Variants in CNTN5 observed in about 807,000 individuals in gnomAD.
CNTN5 encodes contactin 5.
CNTN5 carries 77 observed loss-of-function variants against 129.1 expected under a neutral mutation model. The observed-to-expected ratio is 0.60, with a 90% CI of 0.50 to 0.72. The LOEUF is 0.72. CNTN5 is among the 30% of genes least tolerant of loss of function. The pLI is 0.00. For missense variants in CNTN5, 1,478 were observed against 1,328.8 expected, an observed-to-expected ratio of 1.11 and a Z score of -1.75; for synonymous variants, 509 against 465.6, an observed-to-expected ratio of 1.09 and a Z score of -1.20.
intron 21 of CNTN5, among the ~76,000 whole-genome samples, chr11:100,320,907 T>C (rs569904845): frequency 2.0e-5 from 3 of 152,324 alleles, no homozygotes; most frequent in African/African-American, 2.4e-5. Flanking sequence ...TTCTGTTTCA[T>C]TGATCTATGT....
intron 3 of CNTN5, among the ~76,000 whole-genome samples, chr11:99,618,001 A>C (rs2135751583): frequency 6.6e-6 from 1 of 152,322 alleles, no homozygotes; most frequent in South Asian, 2.1e-4. Context: ...AAGTACTCAT[A>C]GAACTTTAAT....
chr11:99,156,049 A>T lies in CNTN5; in HGVS notation c.-210+134779A>T, dbSNP rs116009331. ...CAATAAAAAGTTCTCAATAACCAAAAAACAACCCCAAAACAATGCCTAGAT... is the reference window on the plus strand; with the variant it reads ...CAATAAAAAGTTCTCAATAACCAAATAACAACCCCAAAACAATGCCTAGAT... On this transcript the variant is annotated intron_variant, in intron 1 of 24. Coordinates refer to ENST00000524871, the MANE Select transcript of CNTN5 (RefSeq NM_014361.4). Among the ~76,000 whole-genome samples the T allele has an allele frequency of 7.8e-3, 1,192 of 152,184 alleles. 19 individuals are homozygous for T. The highest frequency in any genetic ancestry group is 0.026 in the African/African-American group (1,100 of 41,544).
intron 16 of CNTN5, among the ~76,000 whole-genome samples, chr11:100,249,506 T>G (rs1470570191): frequency 6.6e-6 from 1 of 152,156 alleles, no homozygotes; most frequent in African/African-American, 2.4e-5. Context: ...TCCTTTATAA[T>G]AGCATTGTCC....
At chr11:99,472,504 A>G (rs1401314019) in intron 2 of CNTN5, among the ~76,000 whole-genome samples, 1 of 152,078 alleles carries the variant, frequency 6.6e-6, no homozygotes, top group Non-Finnish European at 1.5e-5. Flanking sequence ...ATTCTTTTGT[A>G]ATTAGTTTTT....
intron 20 of CNTN5, among the ~76,000 whole-genome samples, chr11:100,299,953 C>T (rs1192875851): frequency 2.0e-5 from 3 of 151,334 alleles, no homozygotes; most frequent in South Asian, 2.1e-4. Flanking sequence ...AATTGACTTT[C>T]GGAAAAGTTA....
At chr11:99,156,135 C>G (rs1405508735) in intron 1 of CNTN5, among the ~76,000 whole-genome samples, 1 of 151,772 alleles carries the variant, frequency 6.6e-6, no homozygotes, top group East Asian at 1.9e-4. Flanking sequence ...TTTATTATAT[C>G]AGATAAGTGA....
At chr11:100,036,411 A>G (rs1049321900) in intron 9 of CNTN5, among the ~76,000 whole-genome samples, 21 of 151,888 alleles carry the variant, frequency 1.4e-4, no homozygotes, top group Admixed American at 2.6e-4. Context: ...TGATGCCTCC[A>G]GCTTTGTTCT....
At chr11:99,463,665 A>C (rs1237740100) in intron 2 of CNTN5, among the ~76,000 whole-genome samples, 1 of 152,080 alleles carries the variant, frequency 6.6e-6, no homozygotes, top group Non-Finnish European at 1.5e-5. Context: ...GGAAAAATAG[A>C]ACCATTTAAT....
chr11:99,254,711 A>G (rs1365187955), intron 1 of CNTN5, among the ~76,000 whole-genome samples: 1 of 151,940 alleles, frequency 6.6e-6, no homozygotes, highest in Non-Finnish European at 1.5e-5. Context: ...TATACATGGA[A>G]GTGTTTAAAT....
At chr11:99,942,429 G>A (rs1950460195) in intron 7 of CNTN5, among the ~76,000 whole-genome samples, 1 of 152,026 alleles carries the variant, frequency 6.6e-6, no homozygotes. Context: ...GAAAACTGGT[G>A]TAAATTGGCA....
chr11:99,148,676 A>C (rs569195737), intron 1 of CNTN5, among the ~76,000 whole-genome samples: 3 of 152,220 alleles, frequency 2.0e-5, no homozygotes, highest in African/African-American at 7.2e-5. Flanking sequence ...TTCATAATTA[A>C]TTATGTTGTG....
At chr11:100,275,345 G>A (rs1285460868) in intron 18 of CNTN5, among the ~76,000 whole-genome samples, 1 of 152,152 alleles carries the variant, frequency 6.6e-6, no homozygotes, top group Non-Finnish European at 1.5e-5. Flanking sequence ...TTCATTTTAT[G>A]TACTCACTGT....
intron 13 of CNTN5, among the ~76,000 whole-genome samples, chr11:100,095,279 C>T (rs1399912812): frequency 6.6e-6 from 1 of 152,030 alleles, no homozygotes; most frequent in Non-Finnish European, 1.5e-5. Context: ...AACTAGAAGT[C>T]TTGTTGTCAT....
intron 15 of CNTN5, among the ~76,000 whole-genome samples, chr11:100,216,169 A>C (rs1398427510): frequency 6.6e-6 from 1 of 152,132 alleles, no homozygotes; most frequent in Non-Finnish European, 1.5e-5. Context: ...GAAGCTACTC[A>C]TACTCTCCGT....
At chr11:99,969,678 T>C (rs1427804329) in intron 8 of CNTN5, among the ~76,000 whole-genome samples, 2 of 152,146 alleles carry the variant, frequency 1.3e-5, no homozygotes, top group Non-Finnish European at 2.9e-5. Flanking sequence ...GCAAATATTT[T>C]CTTTTCATCT....
At chr11:100,301,424 T>A (rs1213238911) in intron 20 of CNTN5, among the ~76,000 whole-genome samples, 1 of 151,626 alleles carries the variant, frequency 6.6e-6, no homozygotes, top group Non-Finnish European at 1.5e-5. Flanking sequence ...TCAAGCTAGA[T>A]AGAAAATATG....
chr11:99,735,167 C>T (rs1190844945), intron 3 of CNTN5, among the ~76,000 whole-genome samples: 3 of 152,116 alleles, frequency 2.0e-5, no homozygotes, highest in South Asian at 2.1e-4. Context: ...ATGGAGCTTA[C>T]CTTTTAGAAG....
chr11:99,520,789 T>C (rs1947247111), intron 2 of CNTN5, among the ~76,000 whole-genome samples: 1 of 151,974 alleles, frequency 6.6e-6, no homozygotes, highest in East Asian at 1.9e-4. Flanking sequence ...TTTACCAAAA[T>C]AAAAAATGTA....
intron 1 of CNTN5, among the ~76,000 whole-genome samples, chr11:99,063,982 T>A (rs1392631008): frequency 2.0e-5 from 3 of 152,110 alleles, no homozygotes; most frequent in Non-Finnish European, 4.4e-5. Context: ...TGTGTGTGAC[T>A]TGCTACTGCC....
Sources: allele counts gnomAD v4.1 joint callset (sites outside exome capture counted in the v4.1 genomes callset), GRCh38; gene constraint gnomAD v4.1.1; transcripts MANE v1.5; gene names NCBI Gene and HGNC (gene_info 2026-07-23, HGNC 2026-07-21).